CSMD2: variants seen among roughly 807,000 people sequenced by gnomAD.
CSMD2 encodes CUB and Sushi multiple domains 2, also known as CUB and sushi domain-containing protein 2.
A neutral mutation model predicts 398.5 loss-of-function variants in CSMD2; 130 were observed. The observed-to-expected ratio is 0.33, with a 90% CI of 0.28 to 0.38. The LOEUF is 0.38. Ranked by LOEUF, CSMD2 falls within the 10% of genes least tolerant of loss-of-function variation. The pLI, the probability that CSMD2 is intolerant of heterozygous loss-of-function variation, is 1.00. For missense variants in CSMD2, 3,829 were observed against 4,764.9 expected, an observed-to-expected ratio of 0.80 and a Z score of 5.78; for synonymous variants, 1,828 against 1,908.5, an observed-to-expected ratio of 0.96 and a Z score of 1.10.
chr1:33,690,058 T>G (rs1385811074), intron 25 of CSMD2, among the ~76,000 whole-genome samples: 4 of 152,120 alleles, frequency 2.6e-5, no homozygotes, highest in African/African-American at 9.7e-5. Context: ...GCTTCCTCAC[T>G]GCGCTTACCG....
intron 10 of CSMD2, among the ~76,000 whole-genome samples, chr1:33,802,344 T>C (rs10914782): frequency 0.46 from 70,626 of 152,054 alleles, 17,393 homozygotes; most frequent in East Asian, 0.65. Flanking sequence ...AGACATATCC[T>C]TAACTTGCCT....
At chr1:33,916,542 G>C (rs776159810) in intron 5 of CSMD2, among the ~76,000 whole-genome samples, 7 of 152,128 alleles carry the variant, frequency 4.6e-5, no homozygotes, top group Non-Finnish European at 8.8e-5. Flanking sequence ...ATCCTCCACA[G>C]AGCAGGTTGT....
In CSMD2 at chr1:33,823,268, G is replaced by A. The variant is rs376353240; in HGVS notation, c.1111+2429C>T. 2.1e-4 allele frequency among the ~76,000 whole-genome samples: 32 copies of A among 152,368 alleles called. 1 individual carries two copies. The highest frequency in any genetic ancestry group is 7.0e-4 in the African/African-American group (29 of 41,586). ...TACCCAGCCAGTGCCCCCTTCCAGG[G>A]AGGACTGAGCAGGGGATGGTGGTCC... On this transcript the variant is annotated intron_variant, in intron 7 of 70. Coordinates refer to ENST00000373381, the MANE Select transcript of CSMD2 (RefSeq NM_001281956.2).
chr1:33,804,707 T>C (rs930868018), intron 10 of CSMD2: 1 of 717,130 alleles, frequency 1.4e-6, no homozygotes, highest in African/African-American at 1.7e-5. Context: ...TGTCTGAAGG[T>C]GAGTGGATAG....
chr1:33,723,097 C>T (rs1173282323), intron 19 of CSMD2, among the ~76,000 whole-genome samples: 4 of 152,198 alleles, frequency 2.6e-5, no homozygotes, highest in African/African-American at 4.8e-5. Context: ...CAATTATTCT[C>T]CACGTCTTAT....
intron 3 of CSMD2, among the ~76,000 whole-genome samples, chr1:33,994,604 T>C (rs1414475821): frequency 1.3e-5 from 2 of 152,180 alleles, no homozygotes; most frequent in African/African-American, 4.8e-5. Context: ...ACATGGTAGA[T>C]ATTCCATAAA....
At chr1:33,765,386 G>A (rs1433523826) in intron 13 of CSMD2, among the ~76,000 whole-genome samples, 1 of 152,076 alleles carries the variant, frequency 6.6e-6, no homozygotes, top group Non-Finnish European at 1.5e-5. Context: ...TAGAGCAGCA[G>A]AACAAAGTGG....
At chr1:33,999,753 TC>T (rs1646841623) in intron 3 of CSMD2, among the ~76,000 whole-genome samples, 1 of 152,162 alleles carries the variant, frequency 6.6e-6, no homozygotes, top group Admixed American at 6.5e-5. Flanking sequence ...TTTCCCCAGT[TC>T]TTTAAAATAT....
intron 25 of CSMD2, among the ~76,000 whole-genome samples, chr1:33,688,415 G>A (rs617364): frequency 0.94 from 143,077 of 152,340 alleles, 67,293 homozygotes; most frequent in African/African-American, 0.98. Context: ...AAGTAGAGCA[G>A]ACAGACATTA....
intron 15 of CSMD2, among the ~76,000 whole-genome samples, chr1:33,727,164 T>C (rs986149487): frequency 5.9e-5 from 9 of 152,214 alleles, no homozygotes; most frequent in African/African-American, 2.2e-4. Context: ...GTTAATTGTG[T>C]TACACAACTG....
At chr1:33,658,511 A>G (rs1486405083) in intron 26 of CSMD2, among the ~76,000 whole-genome samples, 1 of 152,238 alleles carries the variant, frequency 6.6e-6, no homozygotes, top group East Asian at 1.9e-4. Context: ...AAGCATTGCA[A>G]TTTTGTATAA....
At chr1:34,036,822 T>C (rs981274811) in intron 2 of CSMD2, among the ~76,000 whole-genome samples, 3 of 152,246 alleles carry the variant, frequency 2.0e-5, no homozygotes, top group African/African-American at 7.2e-5. Context: ...GACTTCTGAT[T>C]AGCTCCAGTC....
At chr1:33,791,009 T>C (rs977524915) in intron 11 of CSMD2, among the ~76,000 whole-genome samples, 13 of 152,226 alleles carry the variant, frequency 8.5e-5, no homozygotes, top group African/African-American at 1.2e-4. Flanking sequence ...GTGGGTACCA[T>C]TGGATAAGAT....
chr1:33,557,700 C>T (rs926196658), intron 55 of CSMD2, 34 bp downstream of exon 55: 2 of 1,526,474 alleles, frequency 1.3e-6, no homozygotes, highest in African/African-American at 2.8e-5. Context: ...CGGGCCACCC[C>T]ATCAGTCATT....
At chr1:33,848,613 G>A (rs1638458351) in intron 5 of CSMD2, among the ~76,000 whole-genome samples, 2 of 152,140 alleles carry the variant, frequency 1.3e-5, no homozygotes, top group African/African-American at 2.4e-5. Context: ...ACTAACCAAG[G>A]AGCTTCACGC....
At chr1:33,626,704 G>A (rs1209842058) in intron 32 of CSMD2, 123 bp from the exon 33 acceptor site, 1 of 612,826 alleles carries the variant, frequency 1.6e-6, no homozygotes. Flanking sequence ...CCACATTCCA[G>A]GCCTTCCTGA....
intron 2 of CSMD2, among the ~76,000 whole-genome samples, chr1:34,063,674 A>C (rs1461248963): frequency 1.3e-5 from 2 of 152,046 alleles, no homozygotes. Flanking sequence ...CTGCTTTTCC[A>C]GGCACACACT....
chr1:34,154,237 T>G (rs1352247364), intron 1 of CSMD2, among the ~76,000 whole-genome samples: 1 of 152,164 alleles, frequency 6.6e-6, no homozygotes, highest in Non-Finnish European at 1.5e-5. Context: ...GTGGCTAATA[T>G]TAGGTACTCA....
intron 12 of CSMD2, among the ~76,000 whole-genome samples, chr1:33,773,568 G>C (rs1246682897): frequency 6.6e-6 from 1 of 152,148 alleles, no homozygotes; most frequent in Non-Finnish European, 1.5e-5. Context: ...GTATGTCCTG[G>C]CCAAGCCTCT....
Sources: allele counts gnomAD v4.1 joint callset (sites outside exome capture counted in the v4.1 genomes callset), GRCh38; gene constraint gnomAD v4.1.1; transcripts MANE v1.5; gene names NCBI Gene and HGNC (gene_info 2026-07-23, HGNC 2026-07-21).